The following LMX1A variants were observed in gnomAD, a reference collection of about 807,000 sequenced individuals.
LMX1A encodes the protein LIM homeobox transcription factor 1-alpha.
LMX1A carries 15 observed loss-of-function variants against 49.1 expected under a neutral mutation model. The ratio of observed to expected loss-of-function variants is 0.31; its 90% CI spans 0.20 to 0.47. The LOEUF is 0.47. LMX1A is among the 20% of genes least tolerant of loss of function. The probability of loss-of-function intolerance (pLI) is 1.00; values close to 1 mark genes in which losing one functional copy is unlikely to be tolerated. For missense variants in LMX1A, 372 were observed against 475.8 expected, an observed-to-expected ratio of 0.78 and a Z score of 2.03; for synonymous variants, 167 against 185.7, an observed-to-expected ratio of 0.90 and a Z score of 0.82.
intron 3 of LMX1A, among the ~76,000 whole-genome samples, chr1:165,333,429 G>A (rs1233685466): frequency 6.6e-6 from 1 of 152,188 alleles, no homozygotes; most frequent in African/African-American, 2.4e-5. Flanking sequence ...AAAGTGCTGA[G>A]ATTACAGGCA....
At chr1:165,220,844 G>T (rs2102611596) in intron 4 of LMX1A, among the ~76,000 whole-genome samples, 1 of 152,290 alleles carries the variant, frequency 6.6e-6, no homozygotes, top group South Asian at 2.1e-4. Context: ...TAGGAGACCT[G>T]GATCCTAGTT....
At chr1:165,289,153 AG>A (rs1654388556) in intron 3 of LMX1A, among the ~76,000 whole-genome samples, 1 of 151,844 alleles carries the variant, frequency 6.6e-6, no homozygotes, top group Non-Finnish European at 1.5e-5. Context: ...TGGAGTTGGG[AG>A]GGGGTAAGGG....
Position 165,355,818 on chromosome 1 carries a change from C to A in LMX1A, c.-22-237G>T, listed in dbSNP as rs1445199078. 3 of 501,648 alleles carry A rather than the reference C, an allele frequency of 6.0e-6. No individual in the cohort carries two copies. Among genetic ancestry groups the A allele is most frequent in the Admixed American group, 3.5e-5 (1 of 28,650 alleles). The allele number at this position is 501,648 out of a possible 1,614,324, so 31.1% of individuals were successfully genotyped here. ...CGTTATGTACTTAGGCCTCCGCCCC[C>A]CAACTGCGTTTCTCCTTCTCCTGCC... On this transcript the variant is annotated intron_variant, in intron 1 of 8. Coordinates refer to ENST00000342310, the MANE Select transcript of LMX1A (RefSeq NM_177398.4). The surrounding 1 kb of genome is among the most constrained non-coding windows in gnomAD (Gnocchi z 4.7).
chr1:165,205,940 C>G lies in LMX1A; in HGVS notation c.912G>C (p.Gln304His), dbSNP rs2102593449. The G allele has an allele frequency of 6.2e-7, 1 of 1,614,010 alleles. No homozygotes were observed. Among genetic ancestry groups the G allele is most frequent in the Non-Finnish European group, 8.5e-7 (1 of 1,179,970 alleles). ...PTPQQLLAIE[Q>H]SVYSSDPFRQ... ...GGAAGGGATCTGAGCTGTAGACACT[C>G]TGCTCGATGGCCAGGAGCTGCTGTG... Residue 304 changes from glutamine to histidine, a missense_variant, in exon 8 of 9, where the codon CAG (glutamine) becomes CAC (histidine). Physicochemically the swap from Gln to His is conservative, Grantham distance 24 (BLOSUM62 0). This residue lies in a region of LMX1A where 127 missense variants were observed against 138.0 expected (regional missense o/e 0.92). Coordinates refer to ENST00000342310, the MANE Select transcript of LMX1A (RefSeq NM_177398.4).
At chr1:165,234,915 C>T (rs770991208) in intron 4 of LMX1A, among the ~76,000 whole-genome samples, 1 of 152,150 alleles carries the variant, frequency 6.6e-6, no homozygotes, top group Admixed American at 6.5e-5. Flanking sequence ...TGAAACCAGG[C>T]GACTTTCAAC....
At chr1:165,239,509 T>C (rs1030835969) in intron 4 of LMX1A, among the ~76,000 whole-genome samples, 4 of 152,180 alleles carry the variant, frequency 2.6e-5, no homozygotes, top group African/African-American at 7.2e-5. Flanking sequence ...ACAAATACAC[T>C]AGAAGACAAA....
At chr1:165,258,782 C>T (rs1054373230) in intron 3 of LMX1A, among the ~76,000 whole-genome samples, 12 of 152,202 alleles carry the variant, frequency 7.9e-5, no homozygotes, top group African/African-American at 2.9e-4. Flanking sequence ...CTTGTTCTCG[C>T]AAGGTGTCCA....
chr1:165,240,316 AG>A (rs1652603577), intron 4 of LMX1A, among the ~76,000 whole-genome samples: 1 of 36,316 alleles, frequency 2.8e-5, no homozygotes, highest in African/African-American at 1.1e-4. Context: ...TACCTACTCA[AG>A]GTTTTTTTTT....
rs1651528467 is a variant in LMX1A, at chr1:165,213,800, A to G, written c.510T>C (p.Asp170=). 1.9e-6 allele frequency: 3 copies of G among 1,613,990 alleles called. No individual in the cohort carries two copies. Among genetic ancestry groups the G allele is most frequent in the Non-Finnish European group, 2.5e-6 (3 of 1,179,992 alleles). ...GGGCTGACTTGCAGAGACTTTCTTC[A>G]TCATCACTTTTACCTGAAAGAAGCA... ...PAASDSGKSD[D]EESLCKSAHG... The change falls in exon 5 of 9, where the codon GAT becomes GAC. Residue 170 remains aspartate (D), a synonymous_variant. Transcript: ENST00000342310.
chr1:165,210,620 GC>G, intron 6 of LMX1A, 78 bp downstream of exon 6: 1 of 1,013,590 alleles, frequency 9.9e-7, no homozygotes, highest in Non-Finnish European at 1.5e-6. Flanking sequence ...AGAAAACCTG[GC>G]AGCAAGTACA....
At chr1:165,356,179 G>A (rs1656611649) in intron 1 of LMX1A, 176 bp downstream of exon 1, 1 of 152,364 alleles carries the variant, frequency 6.6e-6, no homozygotes, top group African/African-American at 2.4e-5. Context: ...CGGTGTGCGG[G>A]GCGCGCGGGG....
At chr1:165,251,507 T>A (rs184546760) in intron 3 of LMX1A, among the ~76,000 whole-genome samples, 1 of 152,076 alleles carries the variant, frequency 6.6e-6, no homozygotes, top group Admixed American at 6.5e-5. Context: ...GGGTCAGGAC[T>A]CATACAGCAG....
At chr1:165,232,119 C>T (rs1256769180) in intron 4 of LMX1A, among the ~76,000 whole-genome samples, 1 of 152,180 alleles carries the variant, frequency 6.6e-6, no homozygotes, top group African/African-American at 2.4e-5. Flanking sequence ...GTGAAACCAG[C>T]CTCAAGGTCC....
intron 4 of LMX1A, among the ~76,000 whole-genome samples, chr1:165,238,196 G>A (rs1371524922): frequency 6.6e-6 from 1 of 151,648 alleles, no homozygotes; most frequent in Non-Finnish European, 1.5e-5. Flanking sequence ...GACATTACAG[G>A]TCAGCTTGTA....
At chr1:165,255,960 G>T (rs571419077) in intron 3 of LMX1A, among the ~76,000 whole-genome samples, 4 of 151,030 alleles carry the variant, frequency 2.6e-5, no homozygotes, top group African/African-American at 9.8e-5. Context: ...CAACAAGAGC[G>T]AAACTCCGTC....
chr1:165,291,140 A>G (rs1303121232), intron 3 of LMX1A, among the ~76,000 whole-genome samples: 2 of 152,188 alleles, frequency 1.3e-5, no homozygotes, highest in African/African-American at 2.4e-5. Context: ...AATATTCTCC[A>G]CCTTAGCAAC....
intron 3 of LMX1A, among the ~76,000 whole-genome samples, chr1:165,316,660 A>T (rs1365291512): frequency 6.6e-6 from 1 of 152,204 alleles, no homozygotes; most frequent in Non-Finnish European, 1.5e-5. Flanking sequence ...CTTTAAAGTT[A>T]ACATGCCCTC....
At chr1:165,291,776 A>G (rs1301824562) in intron 3 of LMX1A, among the ~76,000 whole-genome samples, 1 of 152,170 alleles carries the variant, frequency 6.6e-6, no homozygotes, top group African/African-American at 2.4e-5. Flanking sequence ...ACAATATGCT[A>G]TATGCGGCCG....
intron 3 of LMX1A, among the ~76,000 whole-genome samples, chr1:165,319,274 A>G (rs1013235527): frequency 3.3e-5 from 5 of 152,214 alleles, no homozygotes; most frequent in African/African-American, 9.6e-5. Flanking sequence ...ATAAGATAAA[A>G]TAGTTATGAT....
Sources: gnomAD v4.1 joint callset for allele counts (sites outside exome capture counted in the v4.1 genomes callset) on GRCh38, gnomAD v4.1.1 for gene constraint, gnomAD v4.1.1 regional missense constraint, Gnocchi (gnomAD v3.1) non-coding constraint, MANE v1.5 for transcripts, NCBI Gene and HGNC (gene_info 2026-07-23, HGNC 2026-07-21) for gene names.